Variants in HELQ observed in about 807,000 individuals in gnomAD.
HELQ encodes helicase, POLQ like.
In HELQ, 77 loss-of-function variants were observed where a neutral mutation model predicts 111.6. The ratio of observed to expected loss-of-function variants is 0.69; its 90% CI spans 0.57 to 0.83. The LOEUF (loss-of-function observed/expected upper bound fraction) is 0.83, where lower values mean the gene tolerates loss of function less well. Ranked by LOEUF, HELQ falls within the 40% of genes least tolerant of loss-of-function variation. The pLI, the probability that HELQ is intolerant of heterozygous loss-of-function variation, is 0.00. For missense variants in HELQ, 1,200 were observed against 1,288.5 expected, an observed-to-expected ratio of 0.93 and a Z score of 1.05; for synonymous variants, 438 against 454.7, an observed-to-expected ratio of 0.96 and a Z score of 0.47.
Position 83,455,772 on chromosome 4 carries a change from G to T in HELQ, c.-79C>A. ...GCCCATATGGAAGGGAGAGTGGGAC[G>T]CCGGAGCCCGCTTCTACATCCACCT... On this transcript the variant is annotated 5_prime_UTR_variant, in exon 1 of 18. Transcript: ENST00000295488. 1 of 1,363,372 alleles carries T rather than the reference G, an allele frequency of 7.3e-7. No homozygotes were observed. The highest frequency in any genetic ancestry group is 1.0e-6 in the Non-Finnish European group (1 of 992,412). 84.5% of individuals were successfully genotyped at this position (1,363,372 alleles called of 1,614,324 possible). A position where few individuals can be genotyped will look rare whatever the true frequency, so the allele number is the denominator to read the frequency against.
intron 9 of HELQ, among the ~76,000 whole-genome samples, chr4:83,433,009 G>A (rs989761821): frequency 4.0e-5 from 6 of 151,826 alleles, no homozygotes; most frequent in African/African-American, 1.5e-4. Flanking sequence ...GCAGTAAATC[G>A]TGATTACATC....
Position 83,455,529 on chromosome 4 carries a change from G to A in HELQ, c.165C>T (p.Thr55=), listed in dbSNP as rs372548858. 2 of 1,614,130 alleles carry A rather than the reference G, an allele frequency of 1.2e-6. No individual in the cohort carries two copies. The highest frequency in any genetic ancestry group is 1.7e-6 in the Non-Finnish European group (2 of 1,180,012). The change falls in exon 1 of 18, where the codon ACC becomes ACT. Residue 55 remains threonine (T), a synonymous_variant. Coordinates refer to ENST00000295488, the MANE Select transcript of HELQ (RefSeq NM_133636.5). ...GTACCTCAACCGGCAGTACGCCCGC[G>A]GTTTTCCGCCTCCTGTTCTCAGCCA... ...EMVAENRRRK[T]AGVLPVEVQP...
chr4:83,433,979 C>CAAA (rs60020544), intron 9 of HELQ, among the ~76,000 whole-genome samples: 8 of 64,024 alleles, frequency 1.2e-4, no homozygotes, highest in African/African-American at 2.9e-4. Context: ...GACTCTGTCT[C>CAAA]AAAAAAAAAA....
intron 12 of HELQ, among the ~76,000 whole-genome samples, chr4:83,428,492 C>T (rs544685038): frequency 1.1e-4 from 16 of 152,124 alleles, no homozygotes; most frequent in African/African-American, 3.4e-4. Context: ...GCCCAGGAGA[C>T]GAAGGTTGCA....
intron 17 of HELQ, among the ~76,000 whole-genome samples, chr4:83,410,003 C>A (rs1201327656): frequency 6.6e-6 from 1 of 152,106 alleles, no homozygotes; most frequent in African/African-American, 2.4e-5. Context: ...ATAATCCCAG[C>A]ACTTTGGGAG....
chr4:83,409,806 T>A (rs1345432324), intron 17 of HELQ, among the ~76,000 whole-genome samples: 1 of 151,494 alleles, frequency 6.6e-6, no homozygotes, highest in Non-Finnish European at 1.5e-5. Flanking sequence ...AGCTCAGGAA[T>A]GAAATAAAAG....
intron 11 of HELQ, 41 bp downstream of exon 11, chr4:83,431,623 C>T (rs1350018483): frequency 1.0e-6 from 1 of 998,434 alleles, no homozygotes; most frequent in African/African-American, 1.7e-5. Context: ...CCTCTATTGT[C>T]TCAGATAACA....
In HELQ at chr4:83,433,799, T is replaced by C. The variant is rs1720294198; in HGVS notation, c.2049-1532A>G. Among the ~76,000 whole-genome samples, 5 of 150,278 alleles carry C rather than the reference T, an allele frequency of 3.3e-5. No individual in the cohort carries two copies. The South Asian group carries it at 1.1e-3, about 32-fold the overall frequency. ...TAGATTAAGACCACCCTGGCCAACA[T>C]GGTGAAACCCCGTCTCTACTAAAAA... is the stretch of plus-strand genomic sequence containing the variant. On this transcript the variant is annotated intron_variant, in intron 9 of 17. Transcript: ENST00000295488.
chr4:83,430,214 T>C (rs1188525156), intron 11 of HELQ, among the ~76,000 whole-genome samples: 1 of 150,504 alleles, frequency 6.6e-6, no homozygotes, highest in African/African-American at 2.5e-5. Flanking sequence ...ACATGGCACA[T>C]GTATACATAT....
At chr4:83,412,162 T>C (rs1253330637) in intron 17 of HELQ, among the ~76,000 whole-genome samples, 12 of 152,230 alleles carry the variant, frequency 7.9e-5, no homozygotes, top group Admixed American at 7.2e-4. Context: ...TGCTGTGCAC[T>C]ACCCATTTTC....
chr4:83,450,537 T>C (rs964833464), intron 2 of HELQ, among the ~76,000 whole-genome samples: 25 of 152,028 alleles, frequency 1.6e-4, no homozygotes, highest in African/African-American at 5.8e-4. Context: ...CAGATTGGTA[T>C]CACCCGAGTT....
intron 8 of HELQ, among the ~76,000 whole-genome samples, chr4:83,438,094 C>T (rs1194486460): frequency 1.3e-5 from 2 of 152,166 alleles, no homozygotes; most frequent in Non-Finnish European, 2.9e-5. Context: ...TTATTCCAAA[C>T]ATTTTTATAT....
intron 11 of HELQ, among the ~76,000 whole-genome samples, chr4:83,431,297 C>A (rs1280091443): frequency 6.6e-6 from 1 of 151,814 alleles, no homozygotes; most frequent in African/African-American, 2.4e-5. Context: ...TTATTAAGTG[C>A]CAACCACTTG....
intron 6 of HELQ, among the ~76,000 whole-genome samples, chr4:83,441,876 C>CTA (rs2110001911): frequency 6.6e-6 from 1 of 151,036 alleles, no homozygotes; most frequent in East Asian, 2.0e-4. Flanking sequence ...AGGGCTCATG[C>CTA]TATCCTCCTA....
chr4:83,454,570 C>T (rs1721626013), intron 1 of HELQ, among the ~76,000 whole-genome samples: 1 of 151,584 alleles, frequency 6.6e-6, no homozygotes, highest in African/African-American at 2.4e-5. Context: ...CCACCACACC[C>T]GGCTAATTAA....
chr4:83,442,260 ATTTTTTT>A (rs70949710), intron 6 of HELQ, among the ~76,000 whole-genome samples: 9 of 82,080 alleles, frequency 1.1e-4, no homozygotes, highest in Admixed American at 1.7e-4. Context: ...AAAAACATCA[ATTTTTTT>A]TTTTTTTTTT....
intron 17 of HELQ, among the ~76,000 whole-genome samples, chr4:83,416,036 T>C (rs1739339654): frequency 6.6e-6 from 1 of 151,364 alleles, no homozygotes; most frequent in South Asian, 2.1e-4. Context: ...CATCTCCGTC[T>C]CCTGGGCTCA....
chr4:83,439,311 C>T (rs1720641546), intron 8 of HELQ, among the ~76,000 whole-genome samples: 1 of 151,686 alleles, frequency 6.6e-6, no homozygotes, highest in South Asian at 2.1e-4. Flanking sequence ...ATGATCCGCA[C>T]ACCTTGGCTT....
chr4:83,449,528 A>G (rs995491271), intron 2 of HELQ, among the ~76,000 whole-genome samples: 7 of 152,236 alleles, frequency 4.6e-5, no homozygotes, highest in Non-Finnish European at 8.8e-5. Flanking sequence ...AAAGACTAGG[A>G]TTATTAACTG....
Sources: allele counts gnomAD v4.1 joint callset (sites outside exome capture counted in the v4.1 genomes callset), GRCh38; gene constraint gnomAD v4.1.1; transcripts MANE v1.5; gene names NCBI Gene and HGNC (gene_info 2026-07-23, HGNC 2026-07-21).